The following HDGFL3 variants were observed in gnomAD, a reference collection of about 807,000 sequenced individuals.
HDGFL3 encodes the protein hepatoma-derived growth factor-related protein 3.
Under a neutral mutation model 27.6 loss-of-function variants are expected in HDGFL3, and 6 were observed. The observed-to-expected ratio is 0.22, with a 90% CI of 0.12 to 0.43. The LOEUF (loss-of-function observed/expected upper bound fraction) is 0.43. Ranked by LOEUF, HDGFL3 falls within the 20% of genes least tolerant of loss-of-function variation. HDGFL3 has a pLI of 1.00. For missense variants in HDGFL3, 207 were observed against 250.1 expected (o/e 0.83, Z 1.16); for synonymous variants, 88 against 88.9 (o/e 0.99, Z 0.05).
intron 1 of HDGFL3, among the ~76,000 whole-genome samples, chr15:83,203,380 A>T (rs929989974): frequency 1.3e-5 from 2 of 152,074 alleles, no homozygotes; most frequent in East Asian, 1.9e-4. Context: ...TCAGATGGTT[A>T]TGTTTATTCA....
intron 1 of HDGFL3, among the ~76,000 whole-genome samples, chr15:83,188,298 G>A (rs2037470663): frequency 6.6e-6 from 1 of 152,118 alleles, no homozygotes. Context: ...CTGTCGCCCA[G>A]GCTGGAGGGC....
At chr15:83,189,267 T>G (rs1031389531) in intron 1 of HDGFL3, 2 of 152,056 alleles carry the variant, frequency 1.3e-5, no homozygotes, top group Admixed American at 6.6e-5. Context: ...ATTCCCCTGC[T>G]TAAAACTCTC....
At chr15:83,160,052 T>G (rs1462257773) in intron 2 of HDGFL3, among the ~76,000 whole-genome samples, 1 of 152,190 alleles carries the variant, frequency 6.6e-6, no homozygotes, top group Non-Finnish European at 1.5e-5. Flanking sequence ...GATGGTGACT[T>G]GAACCAGGGT....
At chr15:83,198,333 C>T (rs1329150723) in intron 1 of HDGFL3, among the ~76,000 whole-genome samples, 3 of 152,106 alleles carry the variant, frequency 2.0e-5, no homozygotes, top group South Asian at 2.1e-4. Flanking sequence ...TCTATATAAA[C>T]GCATACAACT....
At chr15:83,124,547 G>C (rs1596504256), downstream of HDGFL3, 4 of 701,218 alleles carry the variant, frequency 5.7e-6, no homozygotes, top group East Asian at 1.1e-4. Flanking sequence ...CATGGCCAGT[G>C]ATTTATGATA....
chr15:83,158,007 T>C lies in HDGFL3; in HGVS notation c.196A>G (p.Lys66Glu). Residue 66 changes from lysine (K) to glutamate (E), a missense_variant, in exon 3 of 6, where the codon AAG becomes GAG. Transcript: ENST00000299633. ...TTTCCAAACTTGTCTTTGTACTCCTTATATGGAAAAAGGTCTTTGGGACCT... is the reference window on the plus strand; with the variant it reads ...TTTCCAAACTTGTCTTTGTACTCCTCATATGGAAAAAGGTCTTTGGGACCT... Reference protein sequence around the residue: ...FLGPKDLFPYKEYKDKFGKSN... With the variant: ...FLGPKDLFPYEEYKDKFGKSN... 2 of 1,611,662 alleles carry C rather than the reference T, an allele frequency of 1.2e-6. No homozygotes were observed. Among genetic ancestry groups the C allele is most frequent in the Non-Finnish European group, 1.7e-6 (2 of 1,178,462 alleles).
At chr15:83,206,300 T>C (rs567852669) in intron 1 of HDGFL3, among the ~76,000 whole-genome samples, 8 of 152,230 alleles carry the variant, frequency 5.3e-5, no homozygotes, top group Non-Finnish European at 1.0e-4. Context: ...TTATGCCAAT[T>C]TTCTCCATGA....
chr15:83,139,987 A>G (rs1024550625), intron 5 of HDGFL3, among the ~76,000 whole-genome samples: 24 of 152,204 alleles, frequency 1.6e-4, no homozygotes, highest in African/African-American at 5.8e-4. Context: ...TAACCCAAAT[A>G]TATTAAACCC....
intron 2 of HDGFL3, 149 bp downstream of exon 2, chr15:83,163,850 A>G: frequency 1.7e-6 from 1 of 601,878 alleles, no homozygotes; most frequent in South Asian, 2.0e-5. Flanking sequence ...AAAACTATTT[A>G]CATTAACAAA....
chr15:83,117,861 G>A (rs1415932898), intron 3 of HDGFL3, among the ~76,000 whole-genome samples: 1 of 152,120 alleles, frequency 6.6e-6, no homozygotes, highest in Non-Finnish European at 1.5e-5. Flanking sequence ...GGGGACAAAG[G>A]TAGGGAGACC....
At chr15:83,166,914 C>A (rs548535575) in intron 1 of HDGFL3, among the ~76,000 whole-genome samples, 4 of 152,200 alleles carry the variant, frequency 2.6e-5, no homozygotes, top group Non-Finnish European at 5.9e-5. Context: ...CCTCCTCCAA[C>A]ACTGGGATTA....
intron 2 of HDGFL3, among the ~76,000 whole-genome samples, chr15:83,163,459 T>C (rs1167257756): frequency 6.6e-6 from 1 of 152,218 alleles, no homozygotes; most frequent in Non-Finnish European, 1.5e-5. Flanking sequence ...TACCTCTGAA[T>C]TATTTCAAAA....
At chr15:83,158,483 C>T (rs550661216) in intron 2 of HDGFL3, among the ~76,000 whole-genome samples, 1 of 152,022 alleles carries the variant, frequency 6.6e-6, no homozygotes, top group Non-Finnish European at 1.5e-5. Context: ...ATAGTAATTC[C>T]CCACTTAACT....
intron 1 of HDGFL3, among the ~76,000 whole-genome samples, chr15:83,173,641 C>T (rs1297523758): frequency 6.6e-6 from 1 of 152,122 alleles, no homozygotes; most frequent in African/African-American, 2.4e-5. Context: ...AAATTATGTT[C>T]TCTTTCCAAG....
intron 1 of HDGFL3, among the ~76,000 whole-genome samples, chr15:83,188,790 C>G (rs2037476498): frequency 6.6e-6 from 1 of 152,078 alleles, no homozygotes; most frequent in African/African-American, 2.4e-5. Flanking sequence ...TTAAATGCCA[C>G]CTGTATGTTG....
chr15:83,156,411 T>C (rs554850267), intron 4 of HDGFL3, among the ~76,000 whole-genome samples: 35 of 152,324 alleles, frequency 2.3e-4, no homozygotes, highest in South Asian at 1.7e-3. Context: ...CTATAATTTA[T>C]GTGAAGGCAG....
At chr15:83,148,747 A>G (rs889528252) in intron 5 of HDGFL3, among the ~76,000 whole-genome samples, 10 of 152,220 alleles carry the variant, frequency 6.6e-5, no homozygotes, top group African/African-American at 2.4e-4. Flanking sequence ...TAGTTAAAAT[A>G]GACTACTGCT....
chr15:83,150,256 G>A (rs945683374), intron 5 of HDGFL3, among the ~76,000 whole-genome samples: 3 of 152,110 alleles, frequency 2.0e-5, no homozygotes, highest in Non-Finnish European at 4.4e-5. Flanking sequence ...GTAGCAGGTC[G>A]AATAGAAAGA....
chr15:83,151,283 A>G lies in HDGFL3; in HGVS notation c.538T>C (p.Ser180Pro). The G allele has an allele frequency of 6.2e-7, 1 of 1,613,392 alleles. No homozygotes were observed. Among genetic ancestry groups the G allele is most frequent in the African/African-American group, 1.3e-5 (1 of 75,012 alleles). The change falls in exon 5 of 6, where the codon TCT becomes CCT. Residue 180 changes from serine to proline, a missense_variant. Ser to Pro is a moderately conservative substitution (Grantham distance 74). Transcript: ENST00000299633. ...TCGTTGCCCGCATCTCCACCCTCAGAGCTGCTTTTGTTTTCCTCTTCTTTG... is the reference window on the plus strand; with the variant it reads ...TCGTTGCCCGCATCTCCACCCTCAGGGCTGCTTTTGTTTTCCTCTTCTTTG... Reference protein sequence around the residue: ...DCKEEENKSSSEGGDAGNDTR... With the variant: ...DCKEEENKSSPEGGDAGNDTR...
Sources: gnomAD v4.1 joint callset for allele counts (sites outside exome capture counted in the v4.1 genomes callset) on GRCh38, gnomAD v4.1.1 for gene constraint, MANE v1.5 for transcripts, NCBI Gene and HGNC (gene_info 2026-07-23, HGNC 2026-07-21) for gene names.